ATRNL1: variants seen among roughly 807,000 people sequenced by gnomAD.
ATRNL1 encodes attractin like 1, also known as attractin-like protein 1.
A neutral mutation model predicts 182.7 loss-of-function variants in ATRNL1; 95 were observed. The observed-to-expected ratio is 0.52, with a 90% CI of 0.44 to 0.62. ATRNL1 has a LOEUF of 0.62. ATRNL1 is among the 20% of genes least tolerant of loss of function. The pLI is 0.00. For synonymous variants in ATRNL1, 576 were observed against 568.3 expected, an observed-to-expected ratio of 1.01 and a Z score of -0.19; for missense variants, 1,471 against 1,679.5, an observed-to-expected ratio of 0.88 and a Z score of 2.17.
Position 115,766,304 on chromosome 10 carries a change from A to G in ATRNL1, c.3903+38949A>G, listed in dbSNP as rs182671211. On this transcript the variant is annotated intron_variant, in intron 27 of 28. Transcript: ENST00000355044. ...AACAGAGCATTTCAACCTTGACACT[A>G]CTGACATTTTGGCCTGATAATTCTT... Among the ~76,000 whole-genome samples the G allele has an allele frequency of 1.4e-3, 220 of 152,294 alleles. 1 individual carries two copies. Among genetic ancestry groups the G allele is most frequent in the Non-Finnish European group, 2.0e-3 (135 of 68,008 alleles).
chr10:115,823,261 A>G (rs11197455), intron 27 of ATRNL1, among the ~76,000 whole-genome samples: 71,155 of 152,064 alleles, frequency 0.47, 18,305 homozygotes, highest in East Asian at 0.76. Flanking sequence ...TAAACTAGGT[A>G]TTGATGGAAC....
chr10:115,230,348 T>C (rs782528533), intron 9 of ATRNL1, among the ~76,000 whole-genome samples: 2 of 152,150 alleles, frequency 1.3e-5, no homozygotes, highest in Non-Finnish European at 2.9e-5. Flanking sequence ...TAAGACATCT[T>C]AATAAAACCT....
intron 19 of ATRNL1, among the ~76,000 whole-genome samples, chr10:115,351,115 AATTT>A (rs1272623707): frequency 6.6e-6 from 1 of 152,106 alleles, no homozygotes; most frequent in Non-Finnish European, 1.5e-5. Flanking sequence ...AGGTCTACTG[AATTT>A]ATTTATTAGT....
intron 19 of ATRNL1, among the ~76,000 whole-genome samples, chr10:115,382,902 A>T (rs997869452): frequency 6.6e-6 from 1 of 151,840 alleles, no homozygotes. Context: ...ACCCTTGTCA[A>T]GAGTCAATTG....
chr10:115,376,131 G>T (rs1857656920), intron 19 of ATRNL1, among the ~76,000 whole-genome samples: 1 of 151,620 alleles, frequency 6.6e-6, no homozygotes, highest in Admixed American at 6.6e-5. Context: ...TTTTTTTCCT[G>T]TAAGCAATTT....
At chr10:115,738,998 T>G (rs1194485819) in intron 27 of ATRNL1, among the ~76,000 whole-genome samples, 1 of 152,038 alleles carries the variant, frequency 6.6e-6, no homozygotes, top group Admixed American at 6.6e-5. Context: ...AAATTAAAAT[T>G]TTACAAATGA....
chr10:115,142,724 A>AGAT (rs1460370399), intron 5 of ATRNL1, among the ~76,000 whole-genome samples: 1 of 152,132 alleles, frequency 6.6e-6, no homozygotes, highest in Non-Finnish European at 1.5e-5. Context: ...TCTAGGTGAG[A>AGAT]GATGATGATG....
intron 27 of ATRNL1, among the ~76,000 whole-genome samples, chr10:115,755,334 GA>G (rs1356476495): frequency 6.6e-6 from 1 of 152,106 alleles, no homozygotes; most frequent in East Asian, 1.9e-4. Flanking sequence ...ATGATTTTGA[GA>G]TACGTTCCAT....
rs543969364 is a variant in ATRNL1 at position 115,493,727 on chromosome 10, C to T, written c.3654+24398C>T. Among the ~76,000 whole-genome samples, 4 of 152,288 alleles carry T rather than the reference C, an allele frequency of 2.6e-5. No homozygotes were observed. The South Asian group carries it at 8.3e-4, about 32-fold the overall frequency. On this transcript the variant is annotated intron_variant, in intron 24 of 28. Transcript: ENST00000355044. ...CACTGGCCAAACAAATTTACATTTCCACCAACACTGTATAAGTTTTCTCTT... is the reference window on the plus strand; with the variant it reads ...CACTGGCCAAACAAATTTACATTTCTACCAACACTGTATAAGTTTTCTCTT...
chr10:115,728,406 T>C (rs1450004982), intron 27 of ATRNL1, among the ~76,000 whole-genome samples: 1 of 151,972 alleles, frequency 6.6e-6, no homozygotes, highest in Non-Finnish European at 1.5e-5. Context: ...TTATTACTTT[T>C]ATTTACTTTT....
At chr10:115,498,785 A>C (rs1233766221) in intron 24 of ATRNL1, among the ~76,000 whole-genome samples, 2 of 151,872 alleles carry the variant, frequency 1.3e-5, no homozygotes, top group East Asian at 3.8e-4. Flanking sequence ...ATTTAATAGG[A>C]ATATATATGC....
intron 26 of ATRNL1, among the ~76,000 whole-genome samples, chr10:115,592,314 G>A (rs186359217): frequency 1.6e-4 from 24 of 152,238 alleles, no homozygotes; most frequent in African/African-American, 5.8e-4. Flanking sequence ...CTCCTGTAGA[G>A]ATCTAAAAGT....
At chr10:115,695,712 G>T (rs1212976422) in intron 26 of ATRNL1, among the ~76,000 whole-genome samples, 1 of 152,046 alleles carries the variant, frequency 6.6e-6, no homozygotes, top group African/African-American at 2.4e-5. Flanking sequence ...TAATGATAAA[G>T]ATTATAAAAT....
At chr10:115,833,037 G>GA (rs373864898) in intron 27 of ATRNL1, among the ~76,000 whole-genome samples, 11 of 150,474 alleles carry the variant, frequency 7.3e-5, no homozygotes, top group Admixed American at 4.0e-4. Context: ...TGTAAGAGGA[G>GA]AAAAAAAAAG....
chr10:115,757,414 A>G (rs1555072345), intron 27 of ATRNL1, among the ~76,000 whole-genome samples: 1 of 152,144 alleles, frequency 6.6e-6, no homozygotes, highest in East Asian at 1.9e-4. Flanking sequence ...TCTTTCACTT[A>G]TGAAGCTTAG....
chr10:115,400,121 G>A (rs1341791364), intron 20 of ATRNL1, among the ~76,000 whole-genome samples: 1 of 151,938 alleles, frequency 6.6e-6, no homozygotes, highest in Admixed American at 6.6e-5. Flanking sequence ...CAAAGGACAC[G>A]AACAGACACT....
intron 26 of ATRNL1, among the ~76,000 whole-genome samples, chr10:115,610,640 A>G (rs1857107370): frequency 1.3e-5 from 2 of 152,174 alleles, no homozygotes; most frequent in Non-Finnish European, 1.5e-5. Context: ...TTATCTGTGA[A>G]TCAGGGAAAA....
intron 23 of ATRNL1, 100 bp downstream of exon 23, chr10:115,467,352 T>A: frequency 1.3e-6 from 1 of 769,972 alleles, no homozygotes; most frequent in Non-Finnish European, 2.0e-6. Context: ...ATTTTAAAAA[T>A]GTTATATGAC....
At chr10:115,829,216 T>G (rs1950506609) in intron 27 of ATRNL1, among the ~76,000 whole-genome samples, 1 of 152,204 alleles carries the variant, frequency 6.6e-6, no homozygotes, top group Non-Finnish European at 1.5e-5. Context: ...GATAATCCTT[T>G]ATCTCTACAG....
Sources: gnomAD v4.1 joint callset for allele counts (sites outside exome capture counted in the v4.1 genomes callset) on GRCh38, gnomAD v4.1.1 for gene constraint, MANE v1.5 for transcripts, NCBI Gene and HGNC (gene_info 2026-07-23, HGNC 2026-07-21) for gene names.